GPALPP1: variants seen among roughly 807,000 people sequenced by gnomAD.
GPALPP1 encodes GPALPP motifs-containing protein 1.
A neutral mutation model predicts 38.9 loss-of-function variants in GPALPP1; 30 were observed. That is an observed-to-expected ratio of 0.77 (90% CI 0.58 to 1.05). The LOEUF (loss-of-function observed/expected upper bound fraction) is 1.05. Ranked by LOEUF, GPALPP1 falls within the 50% of genes least tolerant of loss-of-function variation. GPALPP1 has a pLI of 0.00. For missense variants in GPALPP1, 384 were observed against 408.8 expected (o/e 0.94, Z 0.52); for synonymous variants, 120 against 139.2 (o/e 0.86, Z 0.97).
rs747150093 is a variant in GPALPP1, at chr13:45,015,040, A to C, written c.497A>C (p.Lys166Thr). The C allele has an allele frequency of 3.7e-6, 6 of 1,610,468 alleles. No homozygotes were observed. The South Asian group carries it at 6.6e-5, about 18-fold the overall frequency. Residue 166 changes from lysine to threonine, a missense_variant, in exon 5 of 8, where the codon AAA (lysine) becomes ACA (threonine). Physicochemically the swap from Lys to Thr is moderately conservative, Grantham distance 78. Coordinates refer to ENST00000379151, the MANE Select transcript of GPALPP1 (RefSeq NM_018559.5). The stretch of plus-strand genomic sequence containing the variant: ...TATAATGTAACGACAGAGTTTGAAA[A>C]AAGGGCCCAGAGAATGAAAGAAAAA... ...VNYNVTTEFE[K>T]RAQRMKEKLT...
intron 1 of GPALPP1, among the ~76,000 whole-genome samples, chr13:45,003,318 C>T (rs1873824957): frequency 6.6e-6 from 1 of 152,110 alleles, no homozygotes; most frequent in Admixed American, 6.5e-5. Context: ...GAACTCAAAC[C>T]ATGTTATTTG....
intron 4 of GPALPP1, among the ~76,000 whole-genome samples, chr13:45,014,441 T>A (rs1158180314): frequency 3.3e-5 from 5 of 152,202 alleles, no homozygotes. Context: ...CTTGGAATGT[T>A]TCATTCTTGG....
At chr13:45,016,871 C>A (rs1421498167) in intron 6 of GPALPP1, among the ~76,000 whole-genome samples, 2 of 152,210 alleles carry the variant, frequency 1.3e-5, no homozygotes, top group African/African-American at 4.8e-5. Flanking sequence ...TCTCAAACTC[C>A]TGGGCTCAAG....
chr13:45,021,651 A>C lies in GPALPP1; in HGVS notation c.804+1223A>C, dbSNP rs115722532. Among the ~76,000 whole-genome samples the C allele has an allele frequency of 5.2e-3, 797 of 152,186 alleles. 6 individuals carry two copies. Among genetic ancestry groups the C allele is most frequent in the African/African-American group, 0.018 (752 of 41,566 alleles). On this transcript the variant is annotated intron_variant, in intron 7 of 7. Transcript: ENST00000379151. ...TCTCAAAAAAAACATAAAAAAAAAA[A>C]AACCTGGAAATCAGAAAAACTCAAA...
chr13:45,014,881 G>T, intron 4 of GPALPP1, 71 bp from the exon 5 acceptor site: 1 of 1,173,524 alleles, frequency 8.5e-7, no homozygotes, highest in East Asian at 2.6e-5. Context: ...GTTAAATGCA[G>T]GTAATTTAGA....
rs141395005 is a variant in GPALPP1, at chr13:45,015,491, A to G, written c.600A>G (p.Lys200=). The change falls in exon 6 of 8, where the codon AAA becomes AAG. Residue 200 remains lysine (K), a synonymous_variant. Transcript: ENST00000379151. ...TGACTGAACTTCCTCCAGAAATGAA[A>G]GACTTTGGTCTTGGGCCAAGGACTT... ...SWMTELPPEM[K]DFGLGPRTFK... is the part of the protein sequence containing the mutation. 5.6e-6 allele frequency: 9 copies of G among 1,609,442 alleles called. No individual in the cohort carries two copies. In the African/African-American group the frequency reaches 1.2e-4, roughly 22 times the overall value.
intron 1 of GPALPP1, 99 bp from the exon 2 acceptor site, chr13:45,004,206 C>T: frequency 1.2e-6 from 1 of 857,708 alleles, no homozygotes; most frequent in South Asian, 1.7e-5. Context: ...GATAGACAGC[C>T]AGTGCTGTTT....
At chr13:45,027,658 C>A (rs1875926790) in intron 7 of GPALPP1, 127 bp from the exon 8 acceptor site, 4 of 494,520 alleles carry the variant, frequency 8.1e-6, no homozygotes, top group South Asian at 3.7e-5. Context: ...AAAAAAAAAA[C>A]TACTGGGGTT....
downstream of GPALPP1, among the ~76,000 whole-genome samples, chr13:45,032,649 G>A (rs540321474): frequency 1.1e-4 from 16 of 150,402 alleles, no homozygotes; most frequent in East Asian, 8.2e-4. Flanking sequence ...CAGGTGATCC[G>A]CCCACCTCAG....
chr13:44,990,066 GCAAATGGGTACGCCCAAGC>G, intron 1 of GPALPP1: 1 of 512,910 alleles, frequency 1.9e-6, no homozygotes. Context: ...TTCCCATGTT[GCAAATGGGTACGCCCAAGC>G]CCATGCCAGT....
exon 8 of GPALPP1, chr13:45,035,754 TA>T (rs1299603345): frequency 6.6e-6 from 1 of 152,264 alleles, no homozygotes; most frequent in East Asian, 1.9e-4. Flanking sequence ...GGAGTTCATT[TA>T]AATGCAGATC....
intron 7 of GPALPP1, among the ~76,000 whole-genome samples, chr13:45,022,455 A>G (rs1875499002): frequency 6.6e-6 from 1 of 152,070 alleles, no homozygotes; most frequent in Non-Finnish European, 1.5e-5. Context: ...CAAATATTGA[A>G]CTCAAATGCA....
chr13:44,994,996 G>T (rs1873144698), intron 1 of GPALPP1, among the ~76,000 whole-genome samples: 1 of 152,010 alleles, frequency 6.6e-6, no homozygotes, highest in Non-Finnish European at 1.5e-5. Flanking sequence ...TGGGATACAG[G>T]CGTGCACCAC....
rs1421092359 is a variant in GPALPP1, at chr13:45,015,525, A to G, written c.634A>G (p.Arg212Gly). 6.2e-7 allele frequency: 1 copy of G among 1,607,174 alleles called. No individual in the cohort carries two copies. Among genetic ancestry groups the G allele is most frequent in the Admixed American group, 1.7e-5 (1 of 59,042 alleles). Residue 212 changes from arginine to glycine, a missense_variant, in exon 6 of 8, where the codon AGA becomes GGA. Transcript: ENST00000379151. ...TCTTGGGCCAAGGACTTTTAAGAGA[A>G]GAGCTGATGACACATCTGGAGATCG... ...FGLGPRTFKR[R>G]ADDTSGDRSI...
At chr13:45,031,320 TTAA>T (rs1876184958), downstream of GPALPP1, 2 of 152,182 alleles carry the variant, frequency 1.3e-5, 1 homozygote, top group South Asian at 4.1e-4. Flanking sequence ...CTCCATTGCA[TTAA>T]TTTAATTTTG....
chr13:45,002,534 A>G (rs1368662153), intron 1 of GPALPP1: 2 of 152,224 alleles, frequency 1.3e-5, no homozygotes, highest in Admixed American at 1.3e-4. Flanking sequence ...AGCACTTGCT[A>G]TATGCCAAAG....
chr13:45,028,056 T>A lies in GPALPP1; in HGVS notation c.*53T>A. On this transcript the variant is annotated 3_prime_UTR_variant, in exon 8 of 8. Coordinates refer to ENST00000379151, the MANE Select transcript of GPALPP1 (RefSeq NM_018559.5). ...TAATACTGATCAATGTGAACTTTTC[T>A]AAATACTCTATTGTCTTTAATAATT... is the stretch of plus-strand genomic sequence containing the variant. 5 of 858,060 alleles carry A rather than the reference T, an allele frequency of 5.8e-6. No individual in the cohort carries two copies. The highest frequency in any genetic ancestry group is 4.6e-5 in the South Asian group (3 of 64,962). 53.2% of individuals were successfully genotyped at this position (858,060 alleles called of 1,614,324 possible).
intron 7 of GPALPP1, among the ~76,000 whole-genome samples, chr13:45,026,115 A>G (rs1019738704): frequency 1.3e-5 from 2 of 151,378 alleles, no homozygotes; most frequent in African/African-American, 4.9e-5. Context: ...TTTTTTTTTT[A>G]TCTCCTTCAA....
chr13:44,995,058 G>A (rs1029282189), intron 1 of GPALPP1, among the ~76,000 whole-genome samples: 3 of 151,936 alleles, frequency 2.0e-5, no homozygotes, highest in Non-Finnish European at 4.4e-5. Flanking sequence ...CTCCATGTTG[G>A]TCAGGCTGGT....
Sources: allele counts gnomAD v4.1 joint callset (sites outside exome capture counted in the v4.1 genomes callset), GRCh38; gene constraint gnomAD v4.1.1; transcripts MANE v1.5; gene names NCBI Gene and HGNC (gene_info 2026-07-23, HGNC 2026-07-21).